Variants in SPAG16 observed in about 807,000 individuals in gnomAD.
The protein encoded by SPAG16 is sperm-associated antigen 16 protein.
SPAG16 carries 86 observed loss-of-function variants against 80.4 expected under a neutral mutation model. The ratio of observed to expected loss-of-function variants is 1.07; its 90% confidence interval spans 0.90 to 1.28. SPAG16 has a LOEUF of 1.28. Among genes scored for constraint, SPAG16 ranks in the 50% most tolerant of loss-of-function variants. The pLI, the probability that SPAG16 is intolerant of heterozygous loss-of-function variation, is 0.00. For synonymous variants in SPAG16, 294 were observed against 265.9 expected, an observed-to-expected ratio of 1.11 and a Z score of -1.03; for missense variants, 870 against 765.3, an observed-to-expected ratio of 1.14 and a Z score of -1.61.
rs767648099 is a variant in SPAG16, at chr2:213,949,169, G to GTTTTTTTTTTTTTTTTTTTTTTTTTTTTT, written c.1400+19048_1400+19049insTTTTTTTTTTTTTTTTTTTTTTTTTTTTT. On this transcript the variant is annotated intron_variant, in intron 12 of 15. Coordinates refer to ENST00000331683, the MANE Select transcript of SPAG16 (RefSeq NM_024532.5). ...GCAGAGACACTACTTAATTACAACAGTTTTTTTTTTTTTTTTTTTTTTTTG... is the reference window on the plus strand; with the variant it reads ...GCAGAGACACTACTTAATTACAACAGTTTTTTTTTTTTTTTTTTTTTTTTTTTTTTTTTTTTTTTTTTTTTTTTTTTTTG... Among the ~76,000 whole-genome samples the GTTTTTTTTTTTTTTTTTTTTTTTTTTTTT allele has an allele frequency of 1.8e-3, 102 of 56,736 alleles. 2 individuals carry two copies. The highest frequency in any genetic ancestry group is 2.7e-3 in the Admixed American group (10 of 3,732). The allele number at this position is 56,736 out of a possible 152,430, so 37.2% of individuals were successfully genotyped here. A position where few individuals can be genotyped will look rare whatever the true frequency, so the allele number is the denominator to read the frequency against.
In SPAG16 at chr2:214,175,078, G is replaced by A. The variant is rs137955664; in HGVS notation, c.1720+25812G>A. On this transcript the variant is annotated intron_variant, in intron 15 of 15. Transcript: ENST00000331683. ...GTTACTTTATCAGCTATAATTCTTG[G>A]GTTGCAGTCAACAGAAATTGATTCT... Among the ~76,000 whole-genome samples the A allele has an allele frequency of 4.3e-3, 651 of 151,172 alleles. 3 individuals are homozygous for A. Among genetic ancestry groups the A allele is most frequent in the Middle Eastern group, 0.024 (7 of 290 alleles).
At chr2:213,867,562 G>A (rs1387063034) in intron 11 of SPAG16, among the ~76,000 whole-genome samples, 1 of 152,040 alleles carries the variant, frequency 6.6e-6, no homozygotes, top group African/African-American at 2.4e-5. Context: ...CGGTTGCTAG[G>A]CACACATATG....
chr2:213,849,178 T>C (rs1334416237), intron 10 of SPAG16, among the ~76,000 whole-genome samples: 1 of 152,076 alleles, frequency 6.6e-6, no homozygotes, highest in African/African-American at 2.4e-5. Flanking sequence ...TATGCACAGA[T>C]CACACGGCAG....
chr2:213,734,512 G>GA, intron 10 of SPAG16, among the ~76,000 whole-genome samples: 1 of 152,172 alleles, frequency 6.6e-6, no homozygotes, highest in African/African-American at 2.4e-5. Context: ...CATGCTCTTT[G>GA]AAAAAATAAC....
chr2:213,766,162 GATT>G (rs1253572343), intron 10 of SPAG16, among the ~76,000 whole-genome samples: 2 of 152,190 alleles, frequency 1.3e-5, no homozygotes, highest in Non-Finnish European at 2.9e-5. Context: ...TGTATTGTAT[GATT>G]CCATTTACTT....
intron 9 of SPAG16, among the ~76,000 whole-genome samples, chr2:213,415,698 A>G (rs2069213539): frequency 6.6e-6 from 1 of 152,114 alleles, no homozygotes; most frequent in Admixed American, 6.5e-5. Context: ...GATGAGGGGA[A>G]GGTTTTGGAG....
chr2:213,504,394 T>C (rs949293979), intron 10 of SPAG16, among the ~76,000 whole-genome samples: 7 of 151,972 alleles, frequency 4.6e-5, no homozygotes, highest in African/African-American at 1.7e-4. Context: ...GAAATAAAGA[T>C]TAAAGGTATT....
intron 15 of SPAG16, among the ~76,000 whole-genome samples, chr2:214,154,867 T>C (rs1232752358): frequency 1.3e-5 from 2 of 151,984 alleles, no homozygotes; most frequent in Admixed American, 1.3e-4. Flanking sequence ...CCTAAAACGA[T>C]TGAAAGAAAC....
At chr2:213,919,723 G>A (rs4673788) in intron 11 of SPAG16, among the ~76,000 whole-genome samples, 36,314 of 152,082 alleles carry the variant, frequency 0.24, 4,895 homozygotes, top group South Asian at 0.37. Context: ...ATGTGGTAGA[G>A]TTTAGAGTAT....
rs185457150 is a variant in SPAG16 at position 214,016,138 on chromosome 2, A to T, written c.1527+2061A>T. ...ACTGGTAGGTTCAAGAGTGAATTTG[A>T]TTTTAATAAAAGTGTTTTAGTCTGT... On this transcript the variant is annotated intron_variant, in intron 13 of 15. Coordinates refer to ENST00000331683, the MANE Select transcript of SPAG16 (RefSeq NM_024532.5). 1.7e-4 allele frequency among the ~76,000 whole-genome samples: 26 copies of T among 152,238 alleles called. No individual in the cohort carries two copies. In the East Asian group the frequency reaches 5.0e-3, roughly 29 times the overall value.
chr2:214,160,573 G>A (rs546161932), intron 15 of SPAG16, among the ~76,000 whole-genome samples: 4 of 151,336 alleles, frequency 2.6e-5, no homozygotes, highest in South Asian at 2.1e-4. Context: ...TTTATGTGCC[G>A]TTCCTACTTT....
At chr2:214,237,888 A>G (rs578010620) in intron 15 of SPAG16, among the ~76,000 whole-genome samples, 2 of 152,248 alleles carry the variant, frequency 1.3e-5, no homozygotes, top group South Asian at 2.1e-4. Context: ...TAAAACTAAT[A>G]GTTACAGTAG....
chr2:214,263,749 T>C (rs1691349140), intron 15 of SPAG16, among the ~76,000 whole-genome samples: 1 of 152,206 alleles, frequency 6.6e-6, no homozygotes, highest in African/African-American at 2.4e-5. Context: ...TCTGAATGAT[T>C]TTTAACTCCT....
At chr2:213,658,140 G>A (rs1388359651) in intron 10 of SPAG16, among the ~76,000 whole-genome samples, 1 of 152,088 alleles carries the variant, frequency 6.6e-6, no homozygotes, top group Non-Finnish European at 1.5e-5. Flanking sequence ...AACACCAGGA[G>A]AAAATCCTAT....
intron 15 of SPAG16, among the ~76,000 whole-genome samples, chr2:214,241,690 AATTC>A (rs1403832981): frequency 5.3e-5 from 8 of 152,234 alleles, no homozygotes; most frequent in Admixed American, 2.0e-4. Flanking sequence ...TAAGAAATAG[AATTC>A]ATTAACTAAA....
In SPAG16 at chr2:213,572,920, G is replaced by T. The variant is rs576642317; in HGVS notation, c.1070+82830G>T. Reference sequence around the variant, plus strand: ...GTGGGCGTAGGACCCTCCGAGCCAGGTGTGGGATGTAATCTCATGGTTCGC... The same window carrying T: ...GTGGGCGTAGGACCCTCCGAGCCAGTTGTGGGATGTAATCTCATGGTTCGC... On this transcript the variant is annotated intron_variant, in intron 10 of 15. Transcript: ENST00000331683. 8.5e-4 allele frequency among the ~76,000 whole-genome samples: 129 copies of T among 152,340 alleles called. 1 individual carries two copies. The highest frequency in any genetic ancestry group is 3.0e-3 in the African/African-American group (124 of 41,566).
At chr2:213,704,308 T>C (rs1423041451) in intron 10 of SPAG16, among the ~76,000 whole-genome samples, 2 of 152,220 alleles carry the variant, frequency 1.3e-5, no homozygotes, top group African/African-American at 4.8e-5. Context: ...CAAAGTTTAT[T>C]AAGTGTTCAC....
At position 214,107,256 on chromosome 2, in the gene SPAG16, A is replaced by G. The variant is rs73076851; in HGVS notation, c.1528-940A>G. 5.6e-3 allele frequency among the ~76,000 whole-genome samples: 852 copies of G among 152,290 alleles called. 7 individuals are homozygous for G. Among genetic ancestry groups the G allele is most frequent in the African/African-American group, 0.02 (830 of 41,566 alleles). The stretch of plus-strand genomic sequence containing the variant: ...CCTCCACTAGAATATAAGGTCCGTG[A>G]GAATAAGGTTCTTTGTCTATTTGTT... On this transcript the variant is annotated intron_variant, in intron 13 of 15. Transcript: ENST00000331683.
At chr2:213,807,761 A>G (rs2071861651) in intron 10 of SPAG16, among the ~76,000 whole-genome samples, 1 of 152,216 alleles carries the variant, frequency 6.6e-6, no homozygotes, top group Non-Finnish European at 1.5e-5. Flanking sequence ...CTTAATTTAC[A>G]GAGTAGACAT....
Sources: gnomAD v4.1 joint callset for allele counts (sites outside exome capture counted in the v4.1 genomes callset) on GRCh38, gnomAD v4.1.1 for gene constraint, MANE v1.5 for transcripts, NCBI Gene and HGNC (gene_info 2026-07-23, HGNC 2026-07-21) for gene names.